SESN1: variants seen among roughly 807,000 people sequenced by gnomAD.
SESN1 encodes sestrin 1.
SESN1 carries 30 observed loss-of-function variants against 59.3 expected under a neutral mutation model. That is an observed-to-expected ratio of 0.51 (90% CI 0.38 to 0.69). The LOEUF (loss-of-function observed/expected upper bound fraction) is 0.69. Among genes scored for constraint, SESN1 ranks in the 30% least tolerant of loss-of-function variants. The pLI, the probability that SESN1 is intolerant of heterozygous loss-of-function variation, is 0.00. For missense variants in SESN1, 566 were observed against 673.0 expected (o/e 0.84, Z 1.76); for synonymous variants, 197 against 219.9 (o/e 0.90, Z 0.92).
rs1583306437 is a variant in SESN1, at chr6:109,094,190, A to G, written c.-117T>C. 2 of 1,156,942 alleles carry G rather than the reference A, an allele frequency of 1.7e-6. No individual in the cohort carries two copies. The highest frequency in any genetic ancestry group is 3.1e-5 in the African/African-American group (2 of 64,676). 71.7% of individuals were successfully genotyped at this position (1,156,942 alleles called of 1,614,324 possible). ...AAATCAGAGAAATCAAATCGTCATG[A>G]AAACACACATCTGGGTGACATTTGG... is the stretch of plus-strand genomic sequence containing the variant. On this transcript the variant is annotated 5_prime_UTR_variant, in exon 1 of 10. Coordinates refer to ENST00000436639, the MANE Select transcript of SESN1 (RefSeq NM_014454.3).
At chr6:109,054,006 C>T (rs1241443382) in intron 1 of SESN1, among the ~76,000 whole-genome samples, 2 of 151,954 alleles carry the variant, frequency 1.3e-5, no homozygotes, top group Admixed American at 1.3e-4. Flanking sequence ...ACTTCTTGCC[C>T]CAGTTTTTCC....
Position 109,001,449 on chromosome 6 carries a change from A to C in SESN1, c.385T>G (p.Leu129Val), listed in dbSNP as rs1779622420. 6.8e-6 allele frequency: 11 copies of C among 1,613,856 alleles called. No homozygotes were observed. Among genetic ancestry groups the C allele is most frequent in the Non-Finnish European group, 9.3e-6 (11 of 1,179,810 alleles). ...VGSEDAQMHALFADSFAALGR... is the reference protein window; with the variant it reads ...VGSEDAQMHAVFADSFAALGR... ...AAAGCAGCAAAAGAATCTGCAAATA[A>C]AGCATGCATCTGTGCGTCTTCACTC... The change falls in exon 3 of 10, where the codon TTA (leucine) becomes GTA (valine). Residue 129 changes from leucine to valine, a missense_variant. By Grantham distance (32) the Leu-to-Val change is conservative. Coordinates refer to ENST00000436639, the MANE Select transcript of SESN1 (RefSeq NM_014454.3).
Position 109,077,059 on chromosome 6 carries a change from C to T in SESN1, c.279+16736G>A, listed in dbSNP as rs372046992. 3.3e-4 allele frequency among the ~76,000 whole-genome samples: 50 copies of T among 152,140 alleles called. 1 individual carries two copies. In the South Asian group the frequency reaches 3.9e-3, roughly 12 times the overall value. Reference sequence around the variant, plus strand: ...AATATTGTAGGCAGTTCTAACACAACGATAAGTATTTTTGTATCTAAACAT... The same window carrying T: ...AATATTGTAGGCAGTTCTAACACAATGATAAGTATTTTTGTATCTAAACAT... On this transcript the variant is annotated intron_variant, in intron 1 of 9. Coordinates refer to ENST00000436639, the MANE Select transcript of SESN1 (RefSeq NM_014454.3).
chr6:109,026,210 G>A (rs764194404), intron 1 of SESN1, among the ~76,000 whole-genome samples: 2 of 152,124 alleles, frequency 1.3e-5, no homozygotes, highest in Non-Finnish European at 2.9e-5. Context: ...TAAAGTGAAA[G>A]AAACACATTT....
intron 1 of SESN1, among the ~76,000 whole-genome samples, chr6:109,069,325 A>AC (rs1159926612): frequency 6.6e-6 from 1 of 152,132 alleles, no homozygotes; most frequent in Non-Finnish European, 1.5e-5. Context: ...AAACAAACAA[A>AC]AAAAAACACC....
rs1781405461 is a variant in SESN1 at position 109,093,976 on chromosome 6, A to C, written c.98T>G (p.Leu33Trp). 6.2e-7 allele frequency: 1 copy of C among 1,614,202 alleles called. No individual in the cohort carries two copies. The highest frequency in any genetic ancestry group is 1.3e-5 in the African/African-American group (1 of 75,048). Reference sequence around the variant, plus strand: ...CGAACGAAGATACTCGGTTTTCCTCAAAATGGTTTGCCTAATGTTTTCCAA... The same window carrying C: ...CGAACGAAGATACTCGGTTTTCCTCCAAATGGTTTGCCTAATGTTTTCCAA... Reference protein sequence around the residue: ...TALENIRQTILRKTEYLRSVK... With the variant: ...TALENIRQTIWRKTEYLRSVK... The change falls in exon 1 of 10, where the codon TTG becomes TGG. Residue 33 changes from leucine (L) to tryptophan (W), a missense_variant. By Grantham distance (61) the Leu-to-Trp change is moderately conservative. Transcript: ENST00000436639.
chr6:109,057,580 C>T (rs897243590), intron 1 of SESN1, among the ~76,000 whole-genome samples: 4 of 152,164 alleles, frequency 2.6e-5, no homozygotes, highest in African/African-American at 9.7e-5. Context: ...CAAGGATCTA[C>T]CTCTGCTCAG....
chr6:109,088,017 T>C (rs1465319185), intron 1 of SESN1: 1 of 152,110 alleles, frequency 6.6e-6, no homozygotes. Flanking sequence ...AAACCAAAAA[T>C]AGAAATGCCC....
chr6:108,990,764 A>G lies in SESN1; in HGVS notation c.1305T>C (p.Asp435=). Residue 435 remains aspartate, a synonymous_variant, in exon 8 of 10, where the codon GAT becomes GAC. Transcript: ENST00000436639. ...GATTGTAAGCAATGTGAAATTTTTC[A>G]TCAATCAACTGTCCCACATCTGGAT... is the stretch of plus-strand genomic sequence containing the variant. ...RLYPDVGQLI[D]EKFHIAYNLT... is the part of the protein sequence containing the mutation. The G allele has an allele frequency of 6.2e-7, 1 of 1,614,162 alleles. No homozygotes were observed. The highest frequency in any genetic ancestry group is 1.1e-5 in the South Asian group (1 of 91,086).
intron 1 of SESN1, among the ~76,000 whole-genome samples, chr6:109,041,139 A>G (rs1320859560): frequency 9.3e-6 from 1 of 107,420 alleles, no homozygotes; most frequent in Non-Finnish European, 2.1e-5. Flanking sequence ...TGTTTCTATT[A>G]AAAAAAAAAA....
intron 1 of SESN1, among the ~76,000 whole-genome samples, chr6:109,057,409 TCTGGACTGC>T (rs771662659): frequency 2.6e-5 from 4 of 152,196 alleles, no homozygotes; most frequent in Non-Finnish European, 2.9e-5. Context: ...TCACACCGGC[TCTGGACTGC>T]CTAATTAAGA....
intron 1 of SESN1, among the ~76,000 whole-genome samples, chr6:109,029,758 C>T (rs968776663): frequency 6.6e-6 from 1 of 152,102 alleles, no homozygotes; most frequent in Non-Finnish European, 1.5e-5. Flanking sequence ...TCTTTATCTC[C>T]TTGCCTCAAA....
rs994630005 is a variant in SESN1 at position 109,094,227 on chromosome 6, C to A, written c.-154G>T. The A allele has an allele frequency of 3.9e-6, 3 of 767,508 alleles. No homozygotes were observed. The highest frequency in any genetic ancestry group is 3.5e-5 in the African/African-American group (2 of 56,934). The allele number at this position is 767,508 out of a possible 1,614,324, so 47.5% of individuals were successfully genotyped here. On this transcript the variant is annotated 5_prime_UTR_variant, in exon 1 of 10. Transcript: ENST00000436639. ...TGGGTGACATTTGGAACCACTGGTG[C>A]CTTCAGCCGATCTACAAGCTAGGTC...
chr6:108,998,564 A>G lies in SESN1; in HGVS notation c.921T>C (p.Asn307=), dbSNP rs752950094. The change falls in exon 5 of 10, where the codon AAT becomes AAC. Residue 307 remains asparagine, a synonymous_variant. Coordinates refer to ENST00000436639, the MANE Select transcript of SESN1 (RefSeq NM_014454.3). The part of the protein sequence containing the change: ...VSNYCICDIT[N]GNHSVDEMPV... ...GCATCTCATCCACACTGTGATTGCC[A>G]TTTGTAATGTCACAGATGCAGTAGT... is the stretch of plus-strand genomic sequence containing the variant. The G allele has an allele frequency of 1.9e-6, 3 of 1,613,932 alleles. No homozygotes were observed. Among genetic ancestry groups the G allele is most frequent in the East Asian group, 4.5e-5 (2 of 44,886 alleles).
chr6:109,019,424 A>G (rs1779975349), intron 1 of SESN1, among the ~76,000 whole-genome samples: 1 of 152,242 alleles, frequency 6.6e-6, no homozygotes, highest in African/African-American at 2.4e-5. Context: ...AGAGCCTTAA[A>G]GAGAAAAAGC....
intron 1 of SESN1, among the ~76,000 whole-genome samples, chr6:109,017,490 T>TC (rs1274518416): frequency 2.6e-5 from 4 of 152,172 alleles, no homozygotes; most frequent in African/African-American, 9.7e-5. Context: ...TTTCACCATG[T>TC]TAGCCAGGAT....
chr6:109,009,442 C>A (rs1779810875), intron 1 of SESN1: 1 of 1,362,486 alleles, frequency 7.3e-7, no homozygotes, highest in Non-Finnish European at 9.5e-7. Flanking sequence ...GCCTCGTTCG[C>A]GGCGGCGGCC....
At chr6:108,998,086 T>G (rs1037969371) in intron 5 of SESN1, among the ~76,000 whole-genome samples, 2 of 152,180 alleles carry the variant, frequency 1.3e-5, no homozygotes, top group Non-Finnish European at 1.5e-5. Flanking sequence ...TCTTCTGAAA[T>G]ATAAAAAATT....
At chr6:109,053,359 G>T (rs1780574472) in intron 1 of SESN1, among the ~76,000 whole-genome samples, 1 of 152,118 alleles carries the variant, frequency 6.6e-6, no homozygotes, top group Non-Finnish European at 1.5e-5. Flanking sequence ...GAGCGCTTAA[G>T]TCATATGCCA....
Sources: allele counts gnomAD v4.1 joint callset (sites outside exome capture counted in the v4.1 genomes callset), GRCh38; gene constraint gnomAD v4.1.1; transcripts MANE v1.5; gene names NCBI Gene and HGNC (gene_info 2026-07-23, HGNC 2026-07-21).